Variants in CENPT observed in about 807,000 individuals in gnomAD.
CENPT encodes the protein interphase centromere complex protein 22.
In CENPT, 42 loss-of-function variants were observed where a neutral mutation model predicts 59.7. The ratio of observed to expected loss-of-function variants is 0.70; its 90% CI spans 0.55 to 0.91. The LOEUF is 0.91. Among genes scored for constraint, CENPT ranks in the 40% least tolerant of loss-of-function variants. The pLI is 0.00. For missense variants in CENPT, 716 were observed against 713.4 expected, an observed-to-expected ratio of 1.00 and a Z score of -0.04; for synonymous variants, 295 against 289.6, an observed-to-expected ratio of 1.02 and a Z score of -0.19.
At chr16:67,840,514 T>C (rs2057754292) in intron 1 of CENPT, among the ~76,000 whole-genome samples, 1 of 151,612 alleles carries the variant, frequency 6.6e-6, no homozygotes, top group African/African-American at 2.4e-5. Context: ...ATACCACATA[T>C]TCTCACAAGT....
rs892022916 is a variant in CENPT at position 67,833,781 on chromosome 16, T to A, written c.79A>T (p.Thr27Ser). 6.4e-7 allele frequency: 1 copy of A among 1,562,866 alleles called. No homozygotes were observed. Among genetic ancestry groups the A allele is most frequent in the East Asian group, 2.5e-5 (1 of 39,556 alleles). Residue 27 changes from threonine (T) to serine (S), a missense_variant, in exon 4 of 16, where the codon ACC becomes TCC. Coordinates refer to ENST00000562787, the MANE Select transcript of CENPT (RefSeq NM_025082.4). ...RRVLDTADPR[T>S]PRRPRSARAG... Reference sequence around the variant, plus strand: ...CGAGCACTCCGGGGTCGCCGCGGGGTGCGCGGGTCCGCTGTATCCAGCACG... The same window carrying A: ...CGAGCACTCCGGGGTCGCCGCGGGGAGCGCGGGTCCGCTGTATCCAGCACG...
chr16:67,842,469 C>T lies in CENPT; in HGVS notation c.-492+4932G>A. The T allele has an allele frequency of 1.8e-6, 2 of 1,114,070 alleles. No individual in the cohort carries two copies. The highest frequency in any genetic ancestry group is 2.3e-6 in the Non-Finnish European group (2 of 878,226). The allele number at this position is 1,114,070 out of a possible 1,614,324, so 69.0% of individuals were successfully genotyped here. On this transcript the variant is annotated intron_variant, in intron 1 of 15. Transcript: ENST00000562787. The surrounding 1 kb of genome is among the most constrained non-coding windows in gnomAD (Gnocchi z 4.9). Reference sequence around the variant, plus strand: ...ACCCAAGGCCTCGCGCGGCGCCGCCCGTCGAGGGGCGGGCGGCGGCGTAGC... The same window carrying T: ...ACCCAAGGCCTCGCGCGGCGCCGCCTGTCGAGGGGCGGGCGGCGGCGTAGC...
At chr16:67,838,334 A>G (rs1408392886) in intron 1 of CENPT, among the ~76,000 whole-genome samples, 2 of 152,238 alleles carry the variant, frequency 1.3e-5, no homozygotes, top group Admixed American at 6.5e-5. Flanking sequence ...ACACGTATTT[A>G]AACATGGCCA....
chr16:67,836,741 T>C (rs2057736744), intron 1 of CENPT, among the ~76,000 whole-genome samples: 1 of 151,900 alleles, frequency 6.6e-6, no homozygotes. Flanking sequence ...GCATGGCTGA[T>C]TTTGTATTTT....
chr16:67,841,584 T>A (rs930025997), intron 1 of CENPT: 1 of 152,096 alleles, frequency 6.6e-6, no homozygotes, highest in Non-Finnish European at 1.5e-5. Flanking sequence ...TGAGTAGACA[T>A]CCATTCGCGT....
At chr16:67,828,601 G>T (rs927407557) in intron 14 of CENPT, 23 bp from the exon 15 acceptor site, 1 of 1,613,576 alleles carries the variant, frequency 6.2e-7, no homozygotes, top group Non-Finnish European at 8.5e-7. Context: ...TGGGGATAGA[G>T]CAGGCTGAAC....
intron 14 of CENPT, 30 bp from the exon 15 acceptor site, chr16:67,828,608 G>C (rs1401193631): frequency 1.2e-6 from 2 of 1,613,756 alleles, no homozygotes. Flanking sequence ...AGAGCAGGCT[G>C]AACAGTCTGA....
chr16:67,831,679 C>A lies in CENPT; in HGVS notation c.524-67G>T, dbSNP rs558638104. ...GGTAAGTGATCCAGGCCTGTGAGGG[C>A]CCTCTCTCAGGACTCCTCAGCCTCT... On this transcript the variant is annotated intron_variant, in intron 8 of 15. Coordinates refer to ENST00000562787, the MANE Select transcript of CENPT (RefSeq NM_025082.4). 3.1e-6 allele frequency: 5 copies of A among 1,605,922 alleles called. No homozygotes were observed. The African/African-American group carries it at 5.3e-5, about 17-fold the overall frequency.
In CENPT at chr16:67,831,196, A is replaced by G. The variant is rs1470389031; in HGVS notation, c.703+20T>C. 57 of 1,613,660 alleles carry G rather than the reference A, an allele frequency of 3.5e-5. No homozygotes were observed. Among genetic ancestry groups the G allele is most frequent in the Non-Finnish European group, 4.4e-5 (52 of 1,179,952 alleles). ...GGGAGAGCTTTCCCCAAAGGCCAGC[A>G]GGGGAAAACCCAACCTTACTTGGAG... On this transcript the variant is annotated intron_variant, in intron 10 of 15. Coordinates refer to ENST00000562787, the MANE Select transcript of CENPT (RefSeq NM_025082.4).
In CENPT at chr16:67,830,011, TG is replaced by T. The variant is rs751717216; in HGVS notation, c.939del (p.Ser314AlafsTer10). On this transcript the variant is annotated frameshift_variant, in exon 12 of 16. Coordinates refer to ENST00000562787, the MANE Select transcript of CENPT (RefSeq NM_025082.4). LOFTEE classifies it high-confidence loss of function. ...VNAFALGFLS[T>X]SSGVSGEDEV... ...TCATCTTCTCCAGAGACACCACTGC[TG>T]GTGCTCAGGAAGCCCAGAGCAAAGG... 2 of 1,614,118 alleles carry T rather than the reference TG, an allele frequency of 1.2e-6. No individual in the cohort carries two copies. Among genetic ancestry groups the T allele is most frequent in the African/African-American group, 2.7e-5 (2 of 74,954 alleles).
chr16:67,831,945 C>CA, intron 7 of CENPT, 55 bp from the exon 8 acceptor site: 1 of 1,590,184 alleles, frequency 6.3e-7, no homozygotes, highest in Non-Finnish European at 8.5e-7. Context: ...CTGGCTTTTG[C>CA]AACCCCCAAG....
chr16:67,843,343 G>A lies in CENPT; in HGVS notation c.-492+4058C>T. On this transcript the variant is annotated intron_variant, in intron 1 of 15. Transcript: ENST00000562787. This position sits in a 1 kb window ranked among gnomAD's most constrained non-coding sequence, Gnocchi z 5.7. Reference sequence around the variant, plus strand: ...AGGAGCTCCTGCGCAAGCTGAATGAGCAGCGGGACATCCTGGCTCTGATGG... The same window carrying A: ...AGGAGCTCCTGCGCAAGCTGAATGAACAGCGGGACATCCTGGCTCTGATGG... The A allele has an allele frequency of 6.2e-7, 1 of 1,613,958 alleles. No individual in the cohort carries two copies. Among genetic ancestry groups the A allele is most frequent in the Non-Finnish European group, 8.5e-7 (1 of 1,180,042 alleles).
rs1386381813 is a variant in CENPT at position 67,842,382 on chromosome 16, G to C, written c.-492+5019C>G. The stretch of plus-strand genomic sequence containing the variant: ...GCGGCGCGGCGCGGGCCGGCAGGAA[G>C]CGTATTCTGGGCACGGGGCGCCGGG... On this transcript the variant is annotated intron_variant, in intron 1 of 15. Coordinates refer to ENST00000562787, the MANE Select transcript of CENPT (RefSeq NM_025082.4). The surrounding 1 kb of genome is among the most constrained non-coding windows in gnomAD (Gnocchi z 4.9). 3.3e-6 allele frequency: 1 copy of C among 301,732 alleles called. No homozygotes were observed. The highest frequency in any genetic ancestry group is 9.2e-5 in the East Asian group (1 of 10,820). 18.7% of individuals were successfully genotyped at this position (301,732 alleles called of 1,614,324 possible). A position where few individuals can be genotyped will look rare whatever the true frequency, so the allele number is the denominator to read the frequency against.
At chr16:67,844,365 G>A (rs1268140389) in intron 1 of CENPT, among the ~76,000 whole-genome samples, 1 of 152,142 alleles carries the variant, frequency 6.6e-6, no homozygotes, top group Non-Finnish European at 1.5e-5. Context: ...GGCCTTATAA[G>A]GTCCTCACAG....
chr16:67,831,444 A>G, intron 9 of CENPT, 86 bp from the exon 10 acceptor site: 1 of 1,572,042 alleles, frequency 6.4e-7, no homozygotes, highest in South Asian at 1.1e-5. Flanking sequence ...TGGGGCTCTC[A>G]TCTCTTAGAA....
intron 1 of CENPT, among the ~76,000 whole-genome samples, chr16:67,844,439 T>C (rs921925263): frequency 1.3e-5 from 2 of 152,192 alleles, no homozygotes; most frequent in Non-Finnish European, 2.9e-5. Flanking sequence ...AGTTTGTCCA[T>C]GGATTATCTC....
intron 13 of CENPT, chr16:67,829,050 C>G: frequency 3.6e-6 from 2 of 554,842 alleles, no homozygotes; most frequent in East Asian, 6.2e-5. Context: ...CCTCCACAGT[C>G]GACTCGACAT....
At chr16:67,837,437 A>G (rs1469713733) in intron 1 of CENPT, among the ~76,000 whole-genome samples, 1 of 149,604 alleles carries the variant, frequency 6.7e-6, no homozygotes, top group Non-Finnish European at 1.5e-5. Flanking sequence ...GGCTGGGCGC[A>G]GTGGCTCACA....
In CENPT at chr16:67,843,428, C is replaced by T. The variant is rs2057778547; in HGVS notation, c.-492+3973G>A. On this transcript the variant is annotated intron_variant, in intron 1 of 15. Coordinates refer to ENST00000562787, the MANE Select transcript of CENPT (RefSeq NM_025082.4). This position sits in a 1 kb window ranked among gnomAD's most constrained non-coding sequence, Gnocchi z 5.7. ...CCACCTGCGTCTCACTGAGGCCAAG[C>T]TGCGCGAAGAACTGCGTGAGAAGGA... The T allele has an allele frequency of 6.2e-7, 1 of 1,613,968 alleles. No individual in the cohort carries two copies. Among genetic ancestry groups the T allele is most frequent in the Non-Finnish European group, 8.5e-7 (1 of 1,180,032 alleles).
Sources: allele counts gnomAD v4.1 joint callset (sites outside exome capture counted in the v4.1 genomes callset), GRCh38; gene constraint gnomAD v4.1.1; non-coding constraint Gnocchi (gnomAD v3.1); transcripts MANE v1.5; gene names NCBI Gene and HGNC (gene_info 2026-07-23, HGNC 2026-07-21).